The following SP4 variants were observed in gnomAD, a reference collection of about 807,000 sequenced individuals.
SP4 encodes Sp4 transcription factor, also known as transcription factor Sp4.
SP4 carries 19 observed loss-of-function variants against 72.8 expected under a neutral mutation model. The observed-to-expected ratio is 0.26, with a 90% CI of 0.18 to 0.38. SP4 has a LOEUF of 0.38. Among genes scored for constraint, SP4 ranks in the 10% least tolerant of loss-of-function variants. The pLI is 1.00. For missense variants in SP4, 1,008 were observed against 926.3 expected, an observed-to-expected ratio of 1.09 and a Z score of -1.14; for synonymous variants, 395 against 333.1, an observed-to-expected ratio of 1.19 and a Z score of -2.02.
Position 21,477,171 on chromosome 7 carries a change from G to C in SP4, c.1771G>C (p.Gly591Arg). 1 of 1,614,164 alleles carries C rather than the reference G, an allele frequency of 6.2e-7. No homozygotes were observed. The highest frequency in any genetic ancestry group is 8.5e-7 in the Non-Finnish European group (1 of 1,179,982). The change falls in exon 4 of 6, where the codon GGT becomes CGT. Residue 591 changes from glycine to arginine, a missense_variant. Around this residue, in one of 3 missense-constraint regions of SP4, gnomAD observed 893 missense variants for 743.3 expected, o/e 1.20. Coordinates refer to ENST00000222584, the MANE Select transcript of SP4 (RefSeq NM_003112.5). ...AVGGIANATI[G>R]AVSPDQLTQV... ...TGGAGGAATTGCTAATGCCACGATA[G>C]GTGCTGTTAGTCCTGACCAACTCAC...
intron 4 of SP4, among the ~76,000 whole-genome samples, chr7:21,480,741 A>G (rs1247996530): frequency 1.3e-5 from 2 of 152,170 alleles, no homozygotes; most frequent in Non-Finnish European, 2.9e-5. Flanking sequence ...TTTCTGGCAA[A>G]CTAGCCAACC....
Position 21,428,176 on chromosome 7 carries a change from T to TCCACCCC in SP4, c.-74_-73insACCCCCC. ...ACCGCGGGCGGGCGGGACCGGCCTC[T>TCCACCCC]CCTCCCGCCTCGCCCCCACCCCCAC... is the stretch of plus-strand genomic sequence containing the variant. On this transcript the variant is annotated 5_prime_UTR_variant, in exon 1 of 6. Transcript: ENST00000222584. 7.0e-6 allele frequency: 5 copies of TCCACCCC among 718,774 alleles called. No individual in the cohort carries two copies. The highest frequency in any genetic ancestry group is 3.0e-5 in the East Asian group (1 of 33,532). 44.5% of individuals were successfully genotyped at this position (718,774 alleles called of 1,614,324 possible). A position where few individuals can be genotyped will look rare whatever the true frequency, so the allele number is the denominator to read the frequency against.
chr7:21,490,001 T>C (rs1784930834), intron 5 of SP4, among the ~76,000 whole-genome samples: 1 of 152,370 alleles, frequency 6.6e-6, no homozygotes, highest in South Asian at 2.1e-4. Flanking sequence ...ACATCAAAAC[T>C]GTTGCCCTTT....
chr7:21,456,275 A>G (rs915031684), intron 3 of SP4, among the ~76,000 whole-genome samples: 16 of 152,212 alleles, frequency 1.1e-4, no homozygotes, highest in Admixed American at 3.3e-4. Context: ...GTGAAGCCCT[A>G]TGCAGGCAGG....
chr7:21,468,444 C>T (rs1388778335), intron 3 of SP4, among the ~76,000 whole-genome samples: 1 of 151,888 alleles, frequency 6.6e-6, no homozygotes, highest in Non-Finnish European at 1.5e-5. Flanking sequence ...ATTAAATCTT[C>T]CTCAAGATCT....
At chr7:21,452,411 G>C (rs10950852) in intron 3 of SP4, among the ~76,000 whole-genome samples, 13,583 of 152,146 alleles carry the variant, frequency 0.089, 1,608 homozygotes, top group East Asian at 0.54. Context: ...GTATGAATTG[G>C]ACAAATTCCC....
At chr7:21,460,742 G>C (rs576926691) in intron 3 of SP4, among the ~76,000 whole-genome samples, 1 of 152,092 alleles carries the variant, frequency 6.6e-6, no homozygotes, top group Admixed American at 6.5e-5. Context: ...AGTTCTCCAC[G>C]TCACCACTAG....
chr7:21,468,353 G>T (rs961812428), intron 3 of SP4, among the ~76,000 whole-genome samples: 1 of 152,072 alleles, frequency 6.6e-6, no homozygotes, highest in African/African-American at 2.4e-5. Flanking sequence ...AATTTTGGAA[G>T]AATTGACACA....
At chr7:21,466,789 AT>A (rs10540157) in intron 3 of SP4, among the ~76,000 whole-genome samples, 14,643 of 145,514 alleles carry the variant, frequency 0.1, 1,450 homozygotes, top group East Asian at 0.36. Context: ...CAAATCTAGG[AT>A]TTTTTTTTTT....
Position 21,481,980 on chromosome 7 carries a change from G to T in SP4, c.1964G>T (p.Gly655Val). The stretch of plus-strand genomic sequence containing the variant: ...CATATCTGTCATATTGAAGGATGTG[G>T]TAAAGTTTATGGCAAAACATCTCAT... ...KQHICHIEGC[G>V]KVYGKTSHLR... The change falls in exon 5 of 6, where the codon GGT (glycine) becomes GTT (valine). Residue 655 changes from glycine to valine, a missense_variant. Transcript: ENST00000222584. The T allele has an allele frequency of 6.2e-7, 1 of 1,614,058 alleles. No individual in the cohort carries two copies. The highest frequency in any genetic ancestry group is 8.5e-7 in the Non-Finnish European group (1 of 1,179,940).
chr7:21,451,573 G>A (rs144965337), intron 3 of SP4, among the ~76,000 whole-genome samples: 17 of 152,094 alleles, frequency 1.1e-4, no homozygotes, highest in Admixed American at 1.0e-3. Context: ...GTCAGGGCAG[G>A]GTGGCTCTGT....
intron 3 of SP4, among the ~76,000 whole-genome samples, chr7:21,449,591 G>A (rs1322994353): frequency 6.6e-6 from 1 of 152,060 alleles, no homozygotes; most frequent in East Asian, 1.9e-4. Flanking sequence ...ATATATACAT[G>A]CATATGTATA....
chr7:21,483,573 C>T (rs1274013163), intron 5 of SP4, among the ~76,000 whole-genome samples: 2 of 151,748 alleles, frequency 1.3e-5, no homozygotes, highest in East Asian at 1.9e-4. Flanking sequence ...TTTTATTTTT[C>T]TTTCATATGG....
intron 3 of SP4, among the ~76,000 whole-genome samples, chr7:21,464,080 A>G (rs1431528248): frequency 6.8e-6 from 1 of 147,012 alleles, no homozygotes; most frequent in Non-Finnish European, 1.5e-5. Context: ...GATAATTATT[A>G]TTTATTCTTA....
At chr7:21,435,674 A>G (rs1283311419) in intron 3 of SP4, among the ~76,000 whole-genome samples, 1 of 152,152 alleles carries the variant, frequency 6.6e-6, no homozygotes, top group Non-Finnish European at 1.5e-5. Context: ...TTTCTTTAAA[A>G]TCTTCTAATA....
At chr7:21,502,495 G>A (rs943562817) in intron 5 of SP4, among the ~76,000 whole-genome samples, 3 of 152,000 alleles carry the variant, frequency 2.0e-5, no homozygotes, top group African/African-American at 4.8e-5. Context: ...TCCTTGTCTC[G>A]GTATAGAGCC....
intron 2 of SP4, 109 bp from the exon 3 acceptor site, chr7:21,429,180 G>A (rs777296811): frequency 6.4e-6 from 4 of 624,280 alleles, no homozygotes; most frequent in Middle Eastern, 3.5e-4. Flanking sequence ...TTCCTAAATT[G>A]TTATGTAGAG....
chr7:21,491,815 A>G (rs1784986746), intron 5 of SP4, among the ~76,000 whole-genome samples: 1 of 152,224 alleles, frequency 6.6e-6, no homozygotes, highest in Admixed American at 6.5e-5. Context: ...CAAAGTAAAG[A>G]TACTTCCAAA....
chr7:21,474,585 T>C (rs574635030), intron 3 of SP4, among the ~76,000 whole-genome samples: 33 of 152,360 alleles, frequency 2.2e-4, no homozygotes, highest in Non-Finnish European at 4.0e-4. Context: ...AAAATAATTA[T>C]ACCTTTTGTT....
Sources: gnomAD v4.1 joint callset for allele counts (sites outside exome capture counted in the v4.1 genomes callset) on GRCh38, gnomAD v4.1.1 for gene constraint, gnomAD v4.1.1 regional missense constraint, MANE v1.5 for transcripts, NCBI Gene and HGNC (gene_info 2026-07-23, HGNC 2026-07-21) for gene names.